Variants in PUM3 observed in about 807,000 individuals in gnomAD.
The protein encoded by PUM3 is pumilio homolog 3.
Under a neutral mutation model 84.0 loss-of-function variants are expected in PUM3, and 91 were observed. The observed-to-expected ratio is 1.08, with a 90% confidence interval of 0.91 to 1.29. PUM3 has a LOEUF of 1.29. Among genes scored for constraint, PUM3 ranks in the 50% most tolerant of loss-of-function variants. The pLI is 0.00. For missense variants in PUM3, 1,067 were observed against 767.5 expected, an observed-to-expected ratio of 1.39 and a Z score of -4.61; for synonymous variants, 321 against 266.7, an observed-to-expected ratio of 1.20 and a Z score of -1.98.
At chr9:2,817,117 T>C (rs954315878) in intron 13 of PUM3, among the ~76,000 whole-genome samples, 3 of 152,230 alleles carry the variant, frequency 2.0e-5, no homozygotes, top group Admixed American at 6.5e-5. Flanking sequence ...CAAGGAAATA[T>C]ACACAAGAAT....
At chr9:2,806,417 C>T (rs1272408651) in intron 17 of PUM3, among the ~76,000 whole-genome samples, 1 of 152,136 alleles carries the variant, frequency 6.6e-6, no homozygotes, top group South Asian at 2.1e-4. Context: ...ATTATGTGTA[C>T]CAGATCACGT....
chr9:2,831,443 G>A (rs1586726645), intron 5 of PUM3, 99 bp from the exon 6 acceptor site: 4 of 758,740 alleles, frequency 5.3e-6, no homozygotes, highest in East Asian at 5.2e-5. Flanking sequence ...TAGAAAAAAA[G>A]GTAGTCTTCA....
intron 17 of PUM3, among the ~76,000 whole-genome samples, chr9:2,807,066 G>C (rs1333295977): frequency 1.3e-5 from 2 of 152,044 alleles, no homozygotes; most frequent in African/African-American, 4.8e-5. Context: ...AAATTAGCTG[G>C]GCGTGGTGGC....
intron 11 of PUM3, 60 bp from the exon 12 acceptor site, chr9:2,823,894 T>A: frequency 1.3e-6 from 1 of 790,036 alleles, no homozygotes; most frequent in Non-Finnish European, 2.0e-6. Context: ...TATTTTGTAG[T>A]TAAACATTTT....
intron 1 of PUM3, among the ~76,000 whole-genome samples, chr9:2,839,474 C>T (rs764281798): frequency 6.6e-6 from 1 of 152,094 alleles, no homozygotes; most frequent in East Asian, 1.9e-4. Flanking sequence ...AGAATCAGCC[C>T]GTAAGAAAAG....
chr9:2,827,159 CAG>C lies in PUM3; in HGVS notation c.957-10_957-9del, dbSNP rs527568258. 24 of 1,592,528 alleles carry C rather than the reference CAG, an allele frequency of 1.5e-5. No homozygotes were observed. The South Asian group carries it at 2.7e-4, about 18-fold the overall frequency. On this transcript the variant is annotated splice_polypyrimidine_tract_variant and intron_variant, in intron 9 of 17. Coordinates refer to ENST00000397885, the MANE Select transcript of PUM3 (RefSeq NM_014878.5). The stretch of plus-strand genomic sequence containing the variant: ...TGCTTAATCACAGCTTCCCTGAAAA[CAG>C]AAAAAAAAAGCAAAAAGACACAACA...
intron 9 of PUM3, 65 bp from the exon 10 acceptor site, chr9:2,827,216 G>T: frequency 8.6e-7 from 1 of 1,166,252 alleles, no homozygotes; most frequent in Non-Finnish European, 1.2e-6. Flanking sequence ...ACAAAGACAG[G>T]TAATCTCAAA....
At chr9:2,828,533 A>T in intron 9 of PUM3, 142 bp downstream of exon 9, 2 of 583,362 alleles carry the variant, frequency 3.4e-6, no homozygotes, top group South Asian at 4.7e-5. Context: ...GAATGGTTTC[A>T]AACCAACACT....
At chr9:2,829,137 A>T (rs1815905040) in intron 8 of PUM3, among the ~76,000 whole-genome samples, 1 of 152,244 alleles carries the variant, frequency 6.6e-6, no homozygotes, top group Non-Finnish European at 1.5e-5. Context: ...ACTGTTAACA[A>T]AATTAGTACA....
At chr9:2,807,507 A>C (rs1821282865) in intron 17 of PUM3, among the ~76,000 whole-genome samples, 1 of 135,850 alleles carries the variant, frequency 7.4e-6, no homozygotes. Flanking sequence ...GGAGGCTGAG[A>C]TGGGAGGAAA....
chr9:2,809,718 T>C (rs1821327493), intron 16 of PUM3, among the ~76,000 whole-genome samples: 1 of 152,154 alleles, frequency 6.6e-6, no homozygotes, highest in African/African-American at 2.4e-5. Context: ...GAAGGTCTGG[T>C]TGGAGATAGG....
chr9:2,838,900 C>T (rs1358850531), intron 1 of PUM3, among the ~76,000 whole-genome samples: 2 of 152,086 alleles, frequency 1.3e-5, no homozygotes, highest in African/African-American at 4.8e-5. Flanking sequence ...ACAAAATTAT[C>T]GCTTGATTTC....
intron 12 of PUM3, 54 bp downstream of exon 12, chr9:2,823,727 T>C: frequency 1.3e-6 from 1 of 750,226 alleles, no homozygotes; most frequent in Non-Finnish European, 2.1e-6. Context: ...ATAATAGACA[T>C]GAATTCATCT....
intron 17 of PUM3, among the ~76,000 whole-genome samples, chr9:2,805,060 C>T (rs910435375): frequency 6.6e-6 from 1 of 152,132 alleles, no homozygotes; most frequent in Admixed American, 6.5e-5. Context: ...AACTGTACAA[C>T]CAAGAGCATG....
At chr9:2,824,659 C>A (rs1815758907) in intron 11 of PUM3, 58 bp downstream of exon 11, 9 of 1,095,462 alleles carry the variant, frequency 8.2e-6, no homozygotes, top group Admixed American at 2.9e-5. Context: ...GTCAAGCCTG[C>A]AGATAAAGCA....
chr9:2,811,490 C>T lies in PUM3; in HGVS notation c.1506G>A (p.Val502=). ...CCAACACACACGCAGACTTATCTAG[C>T]ACCACTTCTTGGGCGTGTTCTTGCA... The part of the protein sequence containing the change: ...SYLQEHAQEV[V]LDKSACVLVS... The change falls in exon 15 of 18, where the codon GTG becomes GTA. Residue 502 remains valine, a synonymous_variant. Transcript: ENST00000397885. The T allele has an allele frequency of 3.1e-6, 5 of 1,614,160 alleles. No individual in the cohort carries two copies. The highest frequency in any genetic ancestry group is 4.2e-6 in the Non-Finnish European group (5 of 1,180,028).
intron 13 of PUM3, among the ~76,000 whole-genome samples, chr9:2,816,034 A>C: frequency 6.6e-6 from 1 of 152,154 alleles, no homozygotes; most frequent in Admixed American, 6.5e-5. Flanking sequence ...AGTCAAAATA[A>C]AGATACACAC....
chr9:2,828,419 G>A (rs775100690), intron 9 of PUM3: 2 of 359,396 alleles, frequency 5.6e-6, no homozygotes, highest in South Asian at 3.8e-5. Flanking sequence ...TTTATTTGGG[G>A]AAAGAATGTT....
intron 1 of PUM3, among the ~76,000 whole-genome samples, chr9:2,840,774 C>T (rs960733847): frequency 5.3e-5 from 8 of 152,182 alleles, no homozygotes; most frequent in African/African-American, 1.7e-4. Context: ...TATTTCCTGG[C>T]ACTGGCTCCA....
Sources: allele counts gnomAD v4.1 joint callset (sites outside exome capture counted in the v4.1 genomes callset), GRCh38; gene constraint gnomAD v4.1.1; transcripts MANE v1.5; gene names NCBI Gene and HGNC (gene_info 2026-07-23, HGNC 2026-07-21).